PCDH15: variants seen among roughly 807,000 people sequenced by gnomAD.
PCDH15 encodes the protein protocadherin related 15.
A neutral mutation model predicts 178.5 loss-of-function variants in PCDH15; 129 were observed. The ratio of observed to expected loss-of-function variants is 0.72; its 90% CI spans 0.63 to 0.84. The LOEUF (loss-of-function observed/expected upper bound fraction) is 0.84, where lower values mean the gene tolerates loss of function less well. Among genes scored for constraint, PCDH15 ranks in the 40% least tolerant of loss-of-function variants. The pLI is 0.00. For synonymous variants in PCDH15, 800 were observed against 732.0 expected (o/e 1.09, Z -1.50); for missense variants, 2,230 against 2,099.9 (o/e 1.06, Z -1.21).
intron 3 of PCDH15, among the ~76,000 whole-genome samples, chr10:54,417,935 T>A (rs1954686071): frequency 6.6e-6 from 1 of 152,172 alleles, no homozygotes; most frequent in African/African-American, 2.4e-5. Flanking sequence ...GAGGGTCTTA[T>A]TATTTTGCCC....
At chr10:55,175,963 C>CT (rs1839473199) in intron 1 of PCDH15, among the ~76,000 whole-genome samples, 2 of 152,174 alleles carry the variant, frequency 1.3e-5, no homozygotes, top group South Asian at 4.2e-4. Context: ...GTGGGGACCA[C>CT]TGTAGGGTGG....
At chr10:55,482,767 A>C (rs1349635152) in intron 2 of PCDH15, among the ~76,000 whole-genome samples, 1 of 151,540 alleles carries the variant, frequency 6.6e-6, no homozygotes, top group Admixed American at 6.6e-5. Flanking sequence ...CTTTCATTTC[A>C]ATCTTGGAGA....
intron 29 of PCDH15, among the ~76,000 whole-genome samples, chr10:53,839,859 C>A (rs998364589): frequency 2.0e-5 from 3 of 152,168 alleles, no homozygotes; most frequent in Non-Finnish European, 4.4e-5. Flanking sequence ...CCCACCTGCT[C>A]TCCACCTGTA....
intron 17 of PCDH15, among the ~76,000 whole-genome samples, chr10:54,071,430 G>T (rs957078394): frequency 2.2e-4 from 34 of 152,096 alleles, no homozygotes; most frequent in African/African-American, 8.2e-4. Flanking sequence ...TCCTAGAGAG[G>T]ATAAGAGAAG....
Position 55,615,874 on chromosome 10 carries a change from C to T in PCDH15, c.-156+11751G>A, listed in dbSNP as rs540357357. Among the ~76,000 whole-genome samples, 15 of 152,092 alleles carry T rather than the reference C, an allele frequency of 9.9e-5. No individual in the cohort carries two copies. The South Asian group carries it at 1.9e-3, about 19-fold the overall frequency. On this transcript the variant is annotated intron_variant, in intron 2 of 5. Coordinates refer to the PCDH15 transcript ENST00000613346. ...GATCATTCCATCGCTGCAGCCTGGGCGACAGAGCAAGACCCTGTCACATAC... is the reference window on the plus strand; with the variant it reads ...GATCATTCCATCGCTGCAGCCTGGGTGACAGAGCAAGACCCTGTCACATAC...
chr10:54,836,635 A>T (rs982670361), intron 3 of PCDH15, among the ~76,000 whole-genome samples: 1 of 152,128 alleles, frequency 6.6e-6, no homozygotes, highest in Admixed American at 6.6e-5. Flanking sequence ...ATTAGCTGAG[A>T]AAAAAGATAT....
At chr10:55,312,596 G>C (rs1458044474) in intron 1 of PCDH15, among the ~76,000 whole-genome samples, 1 of 151,642 alleles carries the variant, frequency 6.6e-6, no homozygotes, top group Admixed American at 6.6e-5. Flanking sequence ...CTTTATCATA[G>C]ATGTTGACTG....
chr10:54,158,008 T>A (rs2045329561), intron 13 of PCDH15, among the ~76,000 whole-genome samples: 1 of 152,220 alleles, frequency 6.6e-6, no homozygotes, highest in Non-Finnish European at 1.5e-5. Flanking sequence ...ACTATCAGCA[T>A]TTTGGACAAA....
intron 2 of PCDH15, among the ~76,000 whole-genome samples, chr10:55,089,999 C>T (rs569094657): frequency 6.6e-6 from 1 of 151,924 alleles, no homozygotes; most frequent in Non-Finnish European, 1.5e-5. Flanking sequence ...AGGTTATTAA[C>T]TTGTTAGAGG....
intron 6 of PCDH15, among the ~76,000 whole-genome samples, chr10:54,344,792 A>G (rs1348355147): frequency 6.8e-6 from 1 of 147,674 alleles, no homozygotes; most frequent in Non-Finnish European, 1.5e-5. Context: ...TTCCCACTTC[A>G]TTTCTTATGT....
At chr10:55,480,386 G>T (rs1840154111) in intron 2 of PCDH15, among the ~76,000 whole-genome samples, 2 of 151,736 alleles carry the variant, frequency 1.3e-5, no homozygotes, top group Admixed American at 6.6e-5. Flanking sequence ...AGTGATGACA[G>T]AGGGCATCTT....
intron 2 of PCDH15, among the ~76,000 whole-genome samples, chr10:55,111,632 TG>T (rs1837506009): frequency 1.3e-5 from 2 of 151,978 alleles, no homozygotes; most frequent in Admixed American, 1.3e-4. Context: ...TCACCTGAGG[TG>T]GGGAGTTCAA....
intron 2 of PCDH15, among the ~76,000 whole-genome samples, chr10:55,396,668 T>C (rs1274868607): frequency 6.6e-6 from 1 of 152,228 alleles, no homozygotes; most frequent in Non-Finnish European, 1.5e-5. Context: ...TACACTCTGA[T>C]TTGCAGGTGC....
chr10:54,707,608 C>A (rs1219107227), intron 1 of PCDH15, among the ~76,000 whole-genome samples: 1 of 152,144 alleles, frequency 6.6e-6, no homozygotes, highest in East Asian at 1.9e-4. Flanking sequence ...CACAGCCTAT[C>A]TGACTTTTTG....
Position 53,811,625 on chromosome 10 carries a change from G to A in PCDH15, c.4492-6C>T, listed in dbSNP as rs754165936. On this transcript the variant is annotated splice_region_variant and splice_polypyrimidine_tract_variant and intron_variant, in intron 35 of 37. Transcript: ENST00000644397. Reference sequence around the variant, plus strand: ...CCAGACTCCATGGATAATTCCTATTGTTCAAAAAGAAAAATTGCATTTGAA... The same window carrying A: ...CCAGACTCCATGGATAATTCCTATTATTCAAAAAGAAAAATTGCATTTGAA... 9.1e-6 allele frequency: 14 copies of A among 1,531,820 alleles called. No individual in the cohort carries two copies. Among genetic ancestry groups the A allele is most frequent in the Middle Eastern group, 3.4e-4 (2 of 5,832 alleles). The allele number at this position is 1,531,820 out of a possible 1,614,324, so 94.9% of individuals were successfully genotyped here.
intron 3 of PCDH15, among the ~76,000 whole-genome samples, chr10:54,806,851 G>A (rs1435112062): frequency 6.6e-6 from 1 of 152,116 alleles, no homozygotes. Flanking sequence ...GCTCCTCTTA[G>A]TTCCTTATGC....
At chr10:54,135,157 C>T (rs1257447886) in intron 14 of PCDH15, among the ~76,000 whole-genome samples, 1 of 149,372 alleles carries the variant, frequency 6.7e-6, no homozygotes, top group Non-Finnish European at 1.5e-5. Flanking sequence ...GACCCGAGAT[C>T]GTGCCATTGC....
chr10:54,553,063 G>A (rs146289289), intron 2 of PCDH15, among the ~76,000 whole-genome samples: 33 of 152,190 alleles, frequency 2.2e-4, no homozygotes, highest in African/African-American at 7.7e-4. Flanking sequence ...CACAACTTGA[G>A]ACCAGACTCC....
chr10:54,620,949 A>T (rs1247278156), intron 2 of PCDH15, among the ~76,000 whole-genome samples: 4 of 152,050 alleles, frequency 2.6e-5, no homozygotes, highest in African/African-American at 4.8e-5. Context: ...AGTAAGAACA[A>T]AAATATCCAA....
Sources: allele counts gnomAD v4.1 joint callset (sites outside exome capture counted in the v4.1 genomes callset), GRCh38; gene constraint gnomAD v4.1.1; transcripts MANE v1.5; gene names NCBI Gene and HGNC (gene_info 2026-07-23, HGNC 2026-07-21).